ATAD2B: variants seen among roughly 807,000 people sequenced by gnomAD.
ATAD2B encodes the protein ATPase family AAA domain containing 2B, also known as ATPase family AAA domain-containing protein 2B.
A neutral mutation model predicts 167.6 loss-of-function variants in ATAD2B; 40 were observed. The observed-to-expected ratio is 0.24, with a 90% CI of 0.19 to 0.31. The LOEUF is 0.31. Ranked by LOEUF, ATAD2B falls within the 10% of genes least tolerant of loss-of-function variation. The probability of loss-of-function intolerance (pLI) is 1.00; values close to 1 mark genes in which losing one functional copy is unlikely to be tolerated. For synonymous variants in ATAD2B, 579 were observed against 596.5 expected, an observed-to-expected ratio of 0.97 and a Z score of 0.43; for missense variants, 1,242 against 1,757.2, an observed-to-expected ratio of 0.71 and a Z score of 5.24.
At chr2:23,775,021 G>A (rs138232131) in intron 22 of ATAD2B, among the ~76,000 whole-genome samples, 23 of 152,148 alleles carry the variant, frequency 1.5e-4, no homozygotes, top group Non-Finnish European at 2.5e-4. Flanking sequence ...AATCAGCTTC[G>A]AGTCTAAAAT....
the ATAD2B span, among the ~76,000 whole-genome samples, chr2:23,704,635 C>T: frequency 6.6e-6 from 1 of 152,204 alleles, no homozygotes; most frequent in Non-Finnish European, 1.5e-5. Flanking sequence ...GGCGTGGTGG[C>T]ATGTGCCTGT....
intron 13 of ATAD2B, among the ~76,000 whole-genome samples, chr2:23,850,160 G>GAAA (rs1692345187): frequency 1.4e-5 from 2 of 145,556 alleles, no homozygotes; most frequent in African/African-American, 5.1e-5. Context: ...AAAAAAAAAT[G>GAAA]ACTTTAAGAG....
intron 13 of ATAD2B, among the ~76,000 whole-genome samples, chr2:23,851,553 AC>A (rs1692576516): frequency 6.6e-6 from 1 of 152,174 alleles, no homozygotes; most frequent in Non-Finnish European, 1.5e-5. Flanking sequence ...TCATATGTAT[AC>A]CCATGCCCCA....
chr2:23,738,812 G>A, the ATAD2B span, among the ~76,000 whole-genome samples: 11 of 152,072 alleles, frequency 7.2e-5, no homozygotes, highest in South Asian at 4.2e-4. Context: ...CCCATCTCAC[G>A]TGCAGAGACA....
At position 23,847,910 on chromosome 2, in the gene ATAD2B, T is replaced by C. The variant is rs1323382769; in HGVS notation, c.1568+9505A>G. On this transcript the variant is annotated intron_variant, in intron 13 of 27. Transcript: ENST00000238789. ...CGGGAGGCTGAGGCAGGAGAATCGC[T>C]TGAACCCAGGAGGCGGAGGTTGCAG... is the stretch of plus-strand genomic sequence containing the variant. 2.7e-5 allele frequency among the ~76,000 whole-genome samples: 4 copies of C among 150,370 alleles called. No homozygotes were observed. The East Asian group carries it at 7.9e-4, about 30-fold the overall frequency.
the ATAD2B span, among the ~76,000 whole-genome samples, chr2:23,723,754 C>T: frequency 1.3e-5 from 2 of 152,092 alleles, no homozygotes; most frequent in Non-Finnish European, 2.9e-5. Flanking sequence ...CCAGGAGTCC[C>T]ACTACTGGGA....
At chr2:23,831,508 C>A (rs1488956495) in intron 14 of ATAD2B, among the ~76,000 whole-genome samples, 1 of 152,122 alleles carries the variant, frequency 6.6e-6, no homozygotes, top group African/African-American at 2.4e-5. Flanking sequence ...ACCCTTAATA[C>A]TTCCCTAGGC....
chr2:23,762,458 T>C, intron 23 of ATAD2B, 112 bp from the exon 24 acceptor site: 1 of 1,139,012 alleles, frequency 8.8e-7, no homozygotes, highest in Non-Finnish European at 1.2e-6. Context: ...TTAATTATAC[T>C]AGGGCAGTTT....
chr2:23,926,728 T>C lies in ATAD2B; in HGVS notation c.43A>G (p.Lys15Glu), dbSNP rs769951625. ...GGCCCAGGCCCGGGACCAGGAGACT[T>C]GGACCCGAGAAGGCGGAGAGAGCTC... ...RKSSLRLLGSKSPGPGPGPGA... is the reference protein window; with the variant it reads ...RKSSLRLLGSESPGPGPGPGA... The change falls in exon 1 of 28, where the codon AAG becomes GAG. Residue 15 changes from lysine (K) to glutamate (E), a missense_variant. Physicochemically the swap from Lys to Glu is moderately conservative, Grantham distance 56. This residue lies in a region of ATAD2B where 199 missense variants were observed against 194.9 expected (regional missense o/e 1.02). Transcript: ENST00000238789. 22 of 1,548,574 alleles carry C rather than the reference T, an allele frequency of 1.4e-5. No homozygotes were observed. The highest frequency in any genetic ancestry group is 1.7e-5 in the Non-Finnish European group (19 of 1,146,476).
At chr2:23,706,493 T>C in the ATAD2B span, 2 of 1,530,154 alleles carry the variant, frequency 1.3e-6, no homozygotes, top group Non-Finnish European at 1.7e-6. Flanking sequence ...CTGTGGTGCT[T>C]GATGGCAAGA....
chr2:23,926,753 C>G lies in ATAD2B; in HGVS notation c.18G>C (p.Lys6Asn). 2 of 1,545,238 alleles carry G rather than the reference C, an allele frequency of 1.3e-6. No individual in the cohort carries two copies. The highest frequency in any genetic ancestry group is 1.7e-6 in the Non-Finnish European group (2 of 1,144,850). The change falls in exon 1 of 28, where the codon AAG becomes AAC. Residue 6 changes from lysine to asparagine, a missense_variant. Lys to Asn is a moderately conservative substitution (Grantham distance 94, BLOSUM62 0). Transcript: ENST00000238789. ...TGGACCCGAGAAGGCGGAGAGAGCTCTTCCGGGTGTTCACCATGGTCCAGC... is the reference window on the plus strand; with the variant it reads ...TGGACCCGAGAAGGCGGAGAGAGCTGTTCCGGGTGTTCACCATGGTCCAGC... MVNTRKSSLRLLGSKS... is the reference protein window; with the variant it reads MVNTRNSSLRLLGSKS...
At chr2:23,691,907 G>A in the ATAD2B span, 4 of 1,540,196 alleles carry the variant, frequency 2.6e-6, no homozygotes, top group South Asian at 1.2e-5. Context: ...TGTCGCTTGG[G>A]GGGAAGAGTG....
chr2:23,685,066 T>A, the ATAD2B span, among the ~76,000 whole-genome samples: 1 of 152,174 alleles, frequency 6.6e-6, no homozygotes, highest in Non-Finnish European at 1.5e-5. Context: ...AAGAGACTTG[T>A]AGCAATGCCT....
At chr2:23,897,111 G>C (rs1306171429) in intron 1 of ATAD2B, among the ~76,000 whole-genome samples, 1 of 152,194 alleles carries the variant, frequency 6.6e-6, no homozygotes, top group Non-Finnish European at 1.5e-5. Context: ...GACAGAGCGA[G>C]ACTCCGTCTC....
At chr2:23,855,709 C>T (rs1400113641) in intron 13 of ATAD2B, among the ~76,000 whole-genome samples, 6 of 152,118 alleles carry the variant, frequency 3.9e-5, no homozygotes, top group Non-Finnish European at 7.4e-5. Flanking sequence ...GGAAACATAG[C>T]GAGACTCCGT....
At position 23,798,095 on chromosome 2, in the gene ATAD2B, G is replaced by A. The variant is rs543175517; in HGVS notation, c.2640+43C>T. 34 of 1,248,670 alleles carry A rather than the reference G, an allele frequency of 2.7e-5. No homozygotes were observed. In the Admixed American group the frequency reaches 7.5e-4, roughly 28 times the overall value. 77.3% of individuals were successfully genotyped at this position (1,248,670 alleles called of 1,614,324 possible). A position where few individuals can be genotyped will look rare whatever the true frequency, so the allele number is the denominator to read the frequency against. On this transcript the variant is annotated intron_variant, in intron 19 of 27. Coordinates refer to ENST00000238789, the MANE Select transcript of ATAD2B (RefSeq NM_017552.4). ...CCAATTTACAGAGTCAACTATTTTA[G>A]AACAATATAATAAGGAAAGATAAAT...
At chr2:23,755,314 A>C (rs1170064008) in intron 25 of ATAD2B, among the ~76,000 whole-genome samples, 1 of 152,190 alleles carries the variant, frequency 6.6e-6, no homozygotes, top group Non-Finnish European at 1.5e-5. Flanking sequence ...TAAAAATATA[A>C]ACCCATTAAA....
At chr2:23,779,037 C>T (rs759356017) in intron 22 of ATAD2B, among the ~76,000 whole-genome samples, 4 of 152,060 alleles carry the variant, frequency 2.6e-5, no homozygotes, top group East Asian at 1.9e-4. Context: ...GAAATGGGGC[C>T]GACATCCAGC....
chr2:23,913,626 C>A (rs975874599), intron 1 of ATAD2B, among the ~76,000 whole-genome samples: 1 of 141,008 alleles, frequency 7.1e-6, no homozygotes, highest in Non-Finnish European at 1.5e-5. Flanking sequence ...GGCAACAGAG[C>A]GAGACTCTCT....
Sources: gnomAD v4.1 joint callset for allele counts (sites outside exome capture counted in the v4.1 genomes callset) on GRCh38, gnomAD v4.1.1 for gene constraint, gnomAD v4.1.1 regional missense constraint, MANE v1.5 for transcripts, NCBI Gene and HGNC (gene_info 2026-07-23, HGNC 2026-07-21) for gene names.